The following NT5DC4 variants were observed in gnomAD, a reference collection of about 807,000 sequenced individuals.
The protein encoded by NT5DC4 is 5'-nucleotidase domain containing 4, also known as 5'-nucleotidase domain-containing protein 4.
NT5DC4 carries 44 observed loss-of-function variants against 26.6 expected under a neutral mutation model. That is an observed-to-expected ratio of 1.65 (90% CI 1.30 to 2.13). The LOEUF (loss-of-function observed/expected upper bound fraction) is 2.13. NT5DC4 is among the 30% of genes most tolerant of loss of function. NT5DC4 has a pLI of 0.00. For synonymous variants in NT5DC4, 157 were observed against 86.7 expected (o/e 1.81, Z -4.51); for missense variants, 399 against 228.1 (o/e 1.75, Z -4.83).
At chr2:112,719,924 C>CTTTCTCTT (rs758520099), upstream of NT5DC4, among the ~76,000 whole-genome samples, 1 of 69,154 alleles carries the variant, frequency 1.4e-5, no homozygotes, top group Non-Finnish European at 2.6e-5. Flanking sequence ...TTCTTTCTTT[C>CTTTCTCTT]TCTTTCTTTC....
downstream of NT5DC4, among the ~76,000 whole-genome samples, chr2:112,741,672 C>T (rs6753803): frequency 0.5 from 75,291 of 152,000 alleles, 19,187 homozygotes; most frequent in African/African-American, 0.63. Context: ...TAGCCTCATT[C>T]TCAAAGAATC....
rs1327679991 is a variant in NT5DC4 at position 112,723,132 on chromosome 2, C to A, written c.579C>A (p.Leu193=). The A allele has an allele frequency of 5.6e-6, 4 of 717,344 alleles. No homozygotes were observed. The Admixed American group carries it at 8.0e-5, about 14-fold the overall frequency. The allele number at this position is 717,344 out of a possible 1,614,324, so 44.4% of individuals were successfully genotyped here. A position where few individuals can be genotyped will look rare whatever the true frequency, so the allele number is the denominator to read the frequency against. ...ACCTCTTCATGTCCTTCCGAAGCCTCTTCCAGGATGTGACTGATGCCATGA... is the reference window on the plus strand; with the variant it reads ...ACCTCTTCATGTCCTTCCGAAGCCTATTCCAGGATGTGACTGATGCCATGA... ...HGNLFMSFRS[L]FQDVTDAMNN... is the part of the protein sequence containing the mutation. Residue 193 remains leucine, a synonymous_variant, in exon 7 of 17, where the codon CTC becomes CTA. Transcript: ENST00000688554.
rs1161313694 is a variant in NT5DC4 at position 112,729,620 on chromosome 2, C to T, written c.1267-7C>T. 2 of 717,878 alleles carry T rather than the reference C, an allele frequency of 2.8e-6. No individual in the cohort carries two copies. The highest frequency in any genetic ancestry group is 4.0e-5 in the Admixed American group (2 of 50,026). 44.5% of individuals were successfully genotyped at this position (717,878 alleles called of 1,614,324 possible). A position where few individuals can be genotyped will look rare whatever the true frequency, so the allele number is the denominator to read the frequency against. ...TGCTTCACCTCCACCTGCATTTATC[C>T]CTACAGATGCCACATGAGTCAGTTG... On this transcript the variant is annotated splice_polypyrimidine_tract_variant and splice_region_variant and intron_variant, in intron 15 of 16. Coordinates refer to ENST00000688554, the MANE Select transcript of NT5DC4 (RefSeq NM_001393655.1).
chr2:112,724,631 G>A (rs1460445634), intron 10 of NT5DC4, 150 bp from the exon 11 acceptor site: 1 of 616,870 alleles, frequency 1.6e-6, no homozygotes, highest in African/African-American at 1.8e-5. Flanking sequence ...GGCTGGGGAA[G>A]CTGGGCAGCG....
downstream of NT5DC4, among the ~76,000 whole-genome samples, chr2:112,742,086 A>AGC: frequency 6.6e-6 from 1 of 152,068 alleles, no homozygotes; most frequent in African/African-American, 2.4e-5. Context: ...TACCGTATGC[A>AGC]GCCTAAATCT....
In NT5DC4 at chr2:112,724,614, C is replaced by A. The variant is rs538104560; in HGVS notation, c.790-167C>A. 5.7e-5 allele frequency: 35 copies of A among 612,772 alleles called. 1 individual carries two copies. In the South Asian group the frequency reaches 6.1e-4, roughly 11 times the overall value. 38.0% of individuals were successfully genotyped at this position (612,772 alleles called of 1,614,324 possible). A position where few individuals can be genotyped will look rare whatever the true frequency, so the allele number is the denominator to read the frequency against. On this transcript the variant is annotated intron_variant, in intron 10 of 16. Transcript: ENST00000688554. ...GGTCCTTTTGAGCACTTCCTAGTGC[C>A]CAGCTTGGCTGGGGAAGCTGGGCAG...
chr2:112,720,242 T>C, upstream of NT5DC4, among the ~76,000 whole-genome samples: 1 of 151,448 alleles, frequency 6.6e-6, no homozygotes, highest in Non-Finnish European at 1.5e-5. Context: ...TTTCTTCGTA[T>C]TTTTAGTAGA....
Position 112,729,724 on chromosome 2 carries a change from G to A in NT5DC4, c.1344+20G>A, listed in dbSNP as rs1022959177. The stretch of plus-strand genomic sequence containing the variant: ...CAGAGGGTGAGTGGCTGTGGCCGAC[G>A]AACTCTGTGGCTTGGGGTCCCATGG... On this transcript the variant is annotated intron_variant, in intron 16 of 16. Coordinates refer to ENST00000688554, the MANE Select transcript of NT5DC4 (RefSeq NM_001393655.1). The A allele has an allele frequency of 2.0e-5, 14 of 717,284 alleles. No individual in the cohort carries two copies. The highest frequency in any genetic ancestry group is 1.9e-4 in the African/African-American group (11 of 57,248). The allele number at this position is 717,284 out of a possible 1,614,324, so 44.4% of individuals were successfully genotyped here.
chr2:112,740,876 C>T (rs1679891907), downstream of NT5DC4: 2 of 1,613,976 alleles, frequency 1.2e-6, no homozygotes, highest in African/African-American at 1.3e-5. Flanking sequence ...TCTGCCTTGG[C>T]TATTCGGGGT....
chr2:112,726,763 G>C, intron 15 of NT5DC4, 25 bp downstream of exon 15: 1 of 717,472 alleles, frequency 1.4e-6, no homozygotes, highest in South Asian at 1.5e-5. Flanking sequence ...GCGAGGGAAG[G>C]GACAGGCCCA....
chr2:112,736,477 T>C (rs901178102), intron 16 of NT5DC4: 2 of 152,246 alleles, frequency 1.3e-5, no homozygotes, highest in African/African-American at 4.8e-5. Flanking sequence ...TTTTTTGTGA[T>C]AATAGCAGCT....
chr2:112,722,729 C>A lies in NT5DC4; in HGVS notation c.485C>A (p.Ala162Asp). 1.4e-6 allele frequency: 1 copy of A among 717,684 alleles called. No individual in the cohort carries two copies. Among genetic ancestry groups the A allele is most frequent in the South Asian group, 1.5e-5 (1 of 67,600 alleles). The allele number at this position is 717,684 out of a possible 1,614,324, so 44.5% of individuals were successfully genotyped here. A position where few individuals can be genotyped will look rare whatever the true frequency, so the allele number is the denominator to read the frequency against. ...CTGCCCCCAGAAACCTACCTCTATG[C>A]CTGCTTGGTGGACTTCTTCTCTGGC... ...LFNLPETYLY[A>D]CLVDFFSGCS... is the part of the protein sequence containing the mutation. Residue 162 changes from alanine to aspartate, a missense_variant, in exon 6 of 17, where the codon GCC becomes GAC. Ala to Asp is a moderately radical substitution (Grantham distance 126, BLOSUM62 -2). Coordinates refer to ENST00000688554, the MANE Select transcript of NT5DC4 (RefSeq NM_001393655.1).
At chr2:112,739,800 G>A (rs915249365), downstream of NT5DC4, among the ~76,000 whole-genome samples, 2 of 152,112 alleles carry the variant, frequency 1.3e-5, no homozygotes, top group African/African-American at 4.8e-5. Context: ...GAGCACAAAC[G>A]TATGCCAGCA....
upstream of NT5DC4, among the ~76,000 whole-genome samples, chr2:112,720,362 C>G (rs573932265): frequency 1.3e-5 from 2 of 152,216 alleles, no homozygotes; most frequent in East Asian, 3.9e-4. Context: ...CTGTGCCCAG[C>G]CTTGTCTTTC....
chr2:112,727,326 A>ATT (rs1157969650), intron 15 of NT5DC4: 2 of 165,512 alleles, frequency 1.2e-5, no homozygotes, highest in Non-Finnish European at 2.6e-5. Flanking sequence ...TGTCACCTTT[A>ATT]TTTTACAGAT....
rs77260136 is a variant in NT5DC4 at position 112,722,762 on chromosome 2, G to C, written c.518G>C (p.Arg173Pro). 1.4e-6 allele frequency: 1 copy of C among 717,572 alleles called. No individual in the cohort carries two copies. The highest frequency in any genetic ancestry group is 1.5e-5 in the South Asian group (1 of 67,604). 44.5% of individuals were successfully genotyped at this position (717,572 alleles called of 1,614,324 possible). ...CLVDFFSGCS[R>P]YTNCDTGYQH... ...GTGGACTTCTTCTCTGGCTGCTCCC[G>C]TTACACTAAGTGCGTCTTGTGCCCT... Residue 173 changes from arginine to proline, a missense_variant, in exon 6 of 17, where the codon CGT becomes CCT. Arg to Pro is a moderately radical substitution (Grantham distance 103). Coordinates refer to ENST00000688554, the MANE Select transcript of NT5DC4 (RefSeq NM_001393655.1).
At position 112,722,212 on chromosome 2, in the gene NT5DC4, A is replaced by G; in HGVS notation, c.296A>G (p.Asn99Ser). Residue 99 changes from asparagine to serine, a missense_variant, in exon 4 of 17, where the codon AAC (asparagine) becomes AGC (serine). Physicochemically the swap from Asn to Ser is conservative, Grantham distance 46. Coordinates refer to ENST00000688554, the MANE Select transcript of NT5DC4 (RefSeq NM_001393655.1). The stretch of plus-strand genomic sequence containing the variant: ...CTGGTGTTCGATGAACTCTATGGGA[A>G]CCTGCTGAAGGTGGACGCCCACGGG... The part of the protein sequence containing the change: ...RRLVFDELYG[N>S]LLKVDAHGNV... The G allele has an allele frequency of 1.4e-6, 1 of 716,874 alleles. No individual in the cohort carries two copies. Among genetic ancestry groups the G allele is most frequent in the Non-Finnish European group, 2.6e-6 (1 of 385,056 alleles). The allele number at this position is 716,874 out of a possible 1,614,324, so 44.4% of individuals were successfully genotyped here. A position where few individuals can be genotyped will look rare whatever the true frequency, so the allele number is the denominator to read the frequency against.
intron 7 of NT5DC4, 106 bp downstream of exon 7, chr2:112,723,280 T>G (rs1677184878): frequency 1.4e-5 from 10 of 708,330 alleles, no homozygotes; most frequent in South Asian, 1.1e-4. Context: ...CTCTTCCTAC[T>G]GAGGACTGAG....
intron 16 of NT5DC4, chr2:112,731,374 T>C (rs1678465465): frequency 6.6e-6 from 1 of 152,144 alleles, no homozygotes; most frequent in African/African-American, 2.4e-5. Flanking sequence ...CCTACTTCTC[T>C]TGAACGCATG....
Sources: gnomAD v4.1 joint callset for allele counts (sites outside exome capture counted in the v4.1 genomes callset) on GRCh38, gnomAD v4.1.1 for gene constraint, MANE v1.5 for transcripts, NCBI Gene and HGNC (gene_info 2026-07-23, HGNC 2026-07-21) for gene names.